AR: variants seen among roughly 807,000 people sequenced by gnomAD.
The protein encoded by AR is androgen receptor, also known as dihydrotestosterone receptor.
AR carries 8 observed loss-of-function variants against 53.9 expected under a neutral mutation model. That is an observed-to-expected ratio of 0.15 (90% CI 0.09 to 0.27). The LOEUF (loss-of-function observed/expected upper bound fraction) is 0.27, where lower values mean the gene tolerates loss of function less well. Among genes scored for constraint, AR ranks in the 10% least tolerant of loss-of-function variants. The probability of loss-of-function intolerance (pLI) is 1.00; values close to 1 mark genes in which losing one functional copy is unlikely to be tolerated. For missense variants in AR, 639 were observed against 742.5 expected, an observed-to-expected ratio of 0.86 and a Z score of 1.62; for synonymous variants, 359 against 316.4, an observed-to-expected ratio of 1.13 and a Z score of -1.43.
chrX:67,724,160 G>C lies in AR; in HGVS notation c.*319G>C, dbSNP rs886069873. 4 of 308,553 alleles carry C rather than the reference G, an allele frequency of 1.3e-5. No homozygotes were observed. The highest frequency in any genetic ancestry group is 2.3e-5 in the Non-Finnish European group (4 of 177,272). The allele number at this position is 308,553 out of a possible 1,213,427, so 25.4% of individuals were successfully genotyped here. A position where few individuals can be genotyped will look rare whatever the true frequency, so the allele number is the denominator to read the frequency against. On this transcript the variant is annotated 3_prime_UTR_variant, in exon 8 of 8. Coordinates refer to ENST00000374690, the MANE Select transcript of AR (RefSeq NM_000044.6). ...TGATCCTCATATGGCCCAGTGTCAA[G>C]TTGTGCTTGTTTACAGCACTACTCT... is the stretch of plus-strand genomic sequence containing the variant.
At chrX:67,573,572 T>C (rs1288506503) in intron 1 of AR, among the ~76,000 whole-genome samples, 1 of 111,581 alleles carries the variant, frequency 9.0e-6, no homozygotes, top group Non-Finnish European at 1.9e-5. Flanking sequence ...TCTCAAGCCT[T>C]CAATTATGAA....
chrX:67,560,128 G>T (rs1921232070), intron 1 of AR, among the ~76,000 whole-genome samples: 2 of 111,437 alleles, frequency 1.8e-5, no homozygotes, highest in Admixed American at 1.9e-4. Flanking sequence ...TGGCAGGTCA[G>T]ATGTGGGATT....
intron 1 of AR, among the ~76,000 whole-genome samples, chrX:67,627,488 T>C (rs1432570968): frequency 1.8e-5 from 2 of 111,992 alleles, no homozygotes; most frequent in Non-Finnish European, 3.8e-5. Flanking sequence ...GTTTGTTTTT[T>C]TCTTGTAAAT....
chrX:67,727,519 T>TAACA lies in AR; in HGVS notation c.*3679_*3682dup, dbSNP rs1435292398. 5 of 172,292 alleles carry TAACA rather than the reference T, an allele frequency of 2.9e-5. No homozygotes were observed. Among genetic ancestry groups the TAACA allele is most frequent in the African/African-American group, 1.5e-4 (5 of 33,987 alleles). 14.2% of individuals were successfully genotyped at this position (172,292 alleles called of 1,213,427 possible). On this transcript the variant is annotated 3_prime_UTR_variant, in exon 8 of 8. Transcript: ENST00000374690. Reference sequence around the variant, plus strand: ...CCATCCACATGATGCACAAATGAGCTAACATTGAGCTTCAAGTAGCTTCTA... The same window carrying TAACA: ...CCATCCACATGATGCACAAATGAGCTAACAAACATTGAGCTTCAAGTAGCTTCTA...
intron 1 of AR, among the ~76,000 whole-genome samples, chrX:67,595,651 CAA>C (rs10706297): frequency 1.4e-3 from 131 of 91,831 alleles, no homozygotes; most frequent in Middle Eastern, 5.3e-3. Context: ...CAAAAATATA[CAA>C]AAAAAAAAAA....
chrX:67,569,638 C>A (rs1419852036), intron 1 of AR, among the ~76,000 whole-genome samples: 1 of 111,224 alleles, frequency 9.0e-6, no homozygotes, highest in Non-Finnish European at 1.9e-5. Flanking sequence ...GTCTCTGTGC[C>A]TTCATGTATT....
rs555846224 is a variant in AR, at chrX:67,651,668, A to G, written c.1768+8261A>G. 2.2e-4 allele frequency among the ~76,000 whole-genome samples: 25 copies of G among 111,772 alleles called. No homozygotes were observed. The South Asian group carries it at 8.7e-3, about 39-fold the overall frequency. On this transcript the variant is annotated intron_variant, in intron 2 of 7. Coordinates refer to ENST00000374690, the MANE Select transcript of AR (RefSeq NM_000044.6). ...ATATGAGAGAAGGAAGTTAAGAAAG[A>G]TGTTAAGTACTGTGGGGAGTAACTG... is the stretch of plus-strand genomic sequence containing the variant.
At chrX:67,702,902 A>G (rs898713372) in intron 3 of AR, among the ~76,000 whole-genome samples, 1 of 111,350 alleles carries the variant, frequency 9.0e-6, no homozygotes, top group Admixed American at 9.6e-5. Context: ...TGGACAACAT[A>G]GTGAGATCCC....
intron 1 of AR, among the ~76,000 whole-genome samples, chrX:67,547,228 T>C (rs1403233697): frequency 9.0e-6 from 1 of 111,418 alleles, no homozygotes; most frequent in African/African-American, 3.3e-5. Flanking sequence ...ACCGGCCCAA[T>C]AGCTTCTCAG....
At chrX:67,594,654 T>C (rs1032274343) in intron 1 of AR, among the ~76,000 whole-genome samples, 3 of 111,691 alleles carry the variant, frequency 2.7e-5, no homozygotes, top group African/African-American at 9.8e-5. Context: ...AATAAGCCAA[T>C]GAAAAACTCT....
intron 1 of AR, among the ~76,000 whole-genome samples, chrX:67,630,717 G>A (rs1407795399): frequency 9.1e-6 from 1 of 110,307 alleles, no homozygotes; most frequent in African/African-American, 3.3e-5. Flanking sequence ...GTTAGTTGAT[G>A]CAGTTTCTTC....
chrX:67,641,759 G>T (rs1448192557), intron 1 of AR, among the ~76,000 whole-genome samples: 3 of 111,001 alleles, frequency 2.7e-5, no homozygotes, highest in African/African-American at 9.8e-5. Context: ...GCTGATATTT[G>T]TGTCTTGCTG....
intron 1 of AR, among the ~76,000 whole-genome samples, chrX:67,557,832 G>A (rs947619712): frequency 2.7e-5 from 3 of 112,016 alleles, no homozygotes; most frequent in Non-Finnish European, 5.6e-5. Flanking sequence ...GAATAAAACT[G>A]GGAAACTATA....
At position 67,546,268 on chromosome X, in the gene AR, GCCGCCCCCT is replaced by G. The variant is rs765067739; in HGVS notation, c.1128_1136del (p.Pro379_Pro381del). On this transcript the variant is annotated inframe_deletion, in exon 1 of 8. Coordinates refer to ENST00000374690, the MANE Select transcript of AR (RefSeq NM_000044.6). The stretch of plus-strand genomic sequence containing the variant: ...ACTTTCCACTGGCTCTGGCCGGACC[GCCGCCCCCT>G]CCGCCGCCTCCCCATCCCCACGCTC... 8.3e-7 allele frequency: 1 copy of G among 1,206,869 alleles called. No individual in the cohort carries two copies. The highest frequency in any genetic ancestry group is 1.8e-5 in the South Asian group (1 of 56,208).
chrX:67,651,490 A>C (rs1050183830), intron 2 of AR, among the ~76,000 whole-genome samples: 3 of 111,274 alleles, frequency 2.7e-5, no homozygotes, highest in Non-Finnish European at 5.6e-5. Context: ...GGTAGTAAAT[A>C]ATATATTTGG....
rs971836155 is a variant in AR at position 67,726,999 on chromosome X, G to A, written c.*3158G>A. The A allele has an allele frequency of 2.3e-5, 4 of 171,842 alleles. No homozygotes were observed. Among genetic ancestry groups the A allele is most frequent in the Non-Finnish European group, 4.5e-5 (4 of 89,817 alleles). The allele number at this position is 171,842 out of a possible 1,213,427, so 14.2% of individuals were successfully genotyped here. A position where few individuals can be genotyped will look rare whatever the true frequency, so the allele number is the denominator to read the frequency against. The stretch of plus-strand genomic sequence containing the variant: ...AGGAAGAGAAAAAGAAGGAGCACCA[G>A]GGAGAAGGCTCCGTCTGTGCTGGGC... On this transcript the variant is annotated 3_prime_UTR_variant, in exon 8 of 8. Transcript: ENST00000374690.
intron 3 of AR, among the ~76,000 whole-genome samples, chrX:67,691,952 A>T (rs1238815373): frequency 2.7e-5 from 3 of 112,196 alleles, no homozygotes. Flanking sequence ...AGTTATTTCT[A>T]AGAAATATAG....
Position 67,693,583 on chromosome X carries a change from G to A in AR, c.1885+7457G>A, listed in dbSNP as rs138753060. Among the ~76,000 whole-genome samples, 9 of 111,861 alleles carry A rather than the reference G, an allele frequency of 8.0e-5. No homozygotes were observed. The East Asian group carries it at 2.3e-3, about 28-fold the overall frequency. ...ACACATGCATAGACAACTTACCTGA[G>A]CAAGCTGCTTTTTGGAGACATTTGC... On this transcript the variant is annotated intron_variant, in intron 3 of 7. Transcript: ENST00000374690.
chrX:67,573,253 G>C (rs142186754), intron 1 of AR, among the ~76,000 whole-genome samples: 4 of 111,679 alleles, frequency 3.6e-5, no homozygotes, highest in Non-Finnish European at 7.5e-5. Flanking sequence ...AGCAATCAAA[G>C]ACAACTAAAA....
Sources: allele counts gnomAD v4.1 joint callset (sites outside exome capture counted in the v4.1 genomes callset), GRCh38; gene constraint gnomAD v4.1.1; transcripts MANE v1.5; gene names NCBI Gene and HGNC (gene_info 2026-07-23, HGNC 2026-07-21).